Variants in RPH3A observed in about 807,000 individuals in gnomAD.
RPH3A encodes rabphilin 3A.
A neutral mutation model predicts 102.2 loss-of-function variants in RPH3A; 48 were observed. The observed-to-expected ratio is 0.47, with a 90% CI of 0.37 to 0.60. The LOEUF is 0.60. Ranked by LOEUF, RPH3A falls within the 20% of genes least tolerant of loss-of-function variation. RPH3A has a pLI of 0.00. For missense variants in RPH3A, 781 were observed against 910.1 expected (o/e 0.86, Z 1.83); for synonymous variants, 310 against 324.3 (o/e 0.96, Z 0.47).
intron 1 of RPH3A, among the ~76,000 whole-genome samples, chr12:112,670,408 C>A (rs2040119232): frequency 6.6e-6 from 1 of 152,136 alleles, no homozygotes; most frequent in African/African-American, 2.4e-5. Flanking sequence ...GTCTCGAACT[C>A]CTGACCTCAG....
At chr12:112,863,413 G>C (rs892973941) in intron 5 of RPH3A, among the ~76,000 whole-genome samples, 2 of 152,154 alleles carry the variant, frequency 1.3e-5, no homozygotes, top group Non-Finnish European at 2.9e-5. Flanking sequence ...CGCCTCCTGG[G>C]TCCAAGCGGT....
At chr12:112,750,845 G>C (rs2040781435) in intron 1 of RPH3A, among the ~76,000 whole-genome samples, 1 of 152,266 alleles carries the variant, frequency 6.6e-6, no homozygotes, top group South Asian at 2.1e-4. Context: ...AGGAGCTAGG[G>C]GTTCTGAGAA....
chr12:112,804,652 C>T (rs975055373), intron 2 of RPH3A, among the ~76,000 whole-genome samples: 1 of 152,204 alleles, frequency 6.6e-6, no homozygotes, highest in Admixed American at 6.5e-5. Context: ...CTCCACTTCG[C>T]CCCTTCCTAG....
intron 21 of RPH3A, among the ~76,000 whole-genome samples, 170 bp from the exon 22 acceptor site, chr12:112,896,480 G>A (rs554808648): frequency 2.6e-5 from 4 of 152,272 alleles, no homozygotes; most frequent in Middle Eastern, 6.8e-3. Flanking sequence ...GAGAAGGACC[G>A]TAATAATAAT....
At position 112,678,318 on chromosome 12, in the gene RPH3A, A is replaced by AGAGAGAGAGAGAGAGAGAGAG. The variant is rs1566255385; in HGVS notation, c.-140+102999_-140+103000insGAGAGAGAGAGAGAGAGAGAG. ...GAAAGAAAGAAAGAGAGAGAGAGAGAAAGAAAGAAAGAAGGAAGGAAGGAA... is the reference window on the plus strand; with the variant it reads ...GAAAGAAAGAAAGAGAGAGAGAGAGAGAGAGAGAGAGAGAGAGAGAGAAGAAAGAAAGAAGGAAGGAAGGAA... On this transcript the variant is annotated intron_variant, in intron 1 of 21. Coordinates refer to the RPH3A transcript ENST00000543106. 1.2e-4 allele frequency among the ~76,000 whole-genome samples: 15 copies of AGAGAGAGAGAGAGAGAGAGAG among 122,548 alleles called. 1 individual carries two copies. The highest frequency in any genetic ancestry group is 1.6e-4 in the Admixed American group (2 of 12,832). The allele number at this position is 122,548 out of a possible 152,430, so 80.4% of individuals were successfully genotyped here. A position where few individuals can be genotyped will look rare whatever the true frequency, so the allele number is the denominator to read the frequency against.
In RPH3A at chr12:112,875,111, C is replaced by A. The variant is rs1363778255; in HGVS notation, c.824C>A (p.Ala275Asp). 4 of 1,609,972 alleles carry A rather than the reference C, an allele frequency of 2.5e-6. No homozygotes were observed. Among genetic ancestry groups the A allele is most frequent in the Non-Finnish European group, 3.4e-6 (4 of 1,178,700 alleles). Residue 275 changes from alanine (A) to aspartate (D), a missense_variant, in exon 11 of 22, where the codon GCC (alanine) becomes GAC (aspartate). Coordinates refer to ENST00000389385, the MANE Select transcript of RPH3A (RefSeq NM_001143854.2). ...AGLRRANSVQ[A>D]SRPAPGSVQS... is the part of the protein sequence containing the mutation. ...TTGAGACGGGCCAACTCAGTCCAGGCCTCCAGACCTGCCCCAGGCTCGGTG... is the reference window on the plus strand; with the variant it reads ...TTGAGACGGGCCAACTCAGTCCAGGACTCCAGACCTGCCCCAGGCTCGGTG...
At position 112,613,024 on chromosome 12, in the gene RPH3A, T is replaced by C. The variant is rs564259120; in HGVS notation, c.-140+37705T>C. 7.2e-5 allele frequency among the ~76,000 whole-genome samples: 11 copies of C among 152,244 alleles called. No individual in the cohort carries two copies. The South Asian group carries it at 2.3e-3, about 32-fold the overall frequency. On this transcript the variant is annotated intron_variant, in intron 1 of 21. Transcript: ENST00000543106. ...TAATGATGATGATGATGATAATTCC[T>C]GTCTAATGAGCTCTAGTTCTACACT...
At chr12:112,683,368 T>G (rs759102041) in intron 1 of RPH3A, among the ~76,000 whole-genome samples, 2 of 152,132 alleles carry the variant, frequency 1.3e-5, no homozygotes, top group Non-Finnish European at 2.9e-5. Context: ...ATACACTGAG[T>G]GAGTGAGTCA....
intron 2 of RPH3A, among the ~76,000 whole-genome samples, chr12:112,809,049 C>T (rs575494564): frequency 6.6e-6 from 1 of 152,246 alleles, no homozygotes; most frequent in South Asian, 2.1e-4. Flanking sequence ...GTGATCCTAG[C>T]GCAGAACTAG....
chr12:112,759,093 G>A (rs954045349), intron 1 of RPH3A, among the ~76,000 whole-genome samples: 2 of 152,148 alleles, frequency 1.3e-5, no homozygotes, highest in African/African-American at 4.8e-5. Flanking sequence ...GTTTTCAATT[G>A]AACACATGTG....
chr12:112,803,543 A>T (rs906482763), intron 2 of RPH3A, among the ~76,000 whole-genome samples: 2 of 151,592 alleles, frequency 1.3e-5, no homozygotes, highest in African/African-American at 4.8e-5. Context: ...CAGGCTACAG[A>T]AGATAAGGAG....
At chr12:112,681,092 A>G (rs904564050) in intron 1 of RPH3A, among the ~76,000 whole-genome samples, 1 of 152,086 alleles carries the variant, frequency 6.6e-6, no homozygotes, top group Non-Finnish European at 1.5e-5. Flanking sequence ...TGCGTCCCTA[A>G]CTGAGCATCT....
chr12:112,870,448 C>T (rs1417627991), intron 10 of RPH3A, among the ~76,000 whole-genome samples: 1 of 152,106 alleles, frequency 6.6e-6, no homozygotes, highest in Non-Finnish European at 1.5e-5. Flanking sequence ...CATAGGTCAG[C>T]ATGGCCAGGA....
intron 1 of RPH3A, among the ~76,000 whole-genome samples, chr12:112,785,217 C>T (rs189531764): frequency 1.0e-3 from 125 of 122,096 alleles, no homozygotes; most frequent in African/African-American, 3.6e-3. Context: ...AGCGAAACTC[C>T]CATCTCAAAA....
At chr12:112,657,726 T>C (rs929859584) in intron 1 of RPH3A, among the ~76,000 whole-genome samples, 1 of 152,000 alleles carries the variant, frequency 6.6e-6, no homozygotes, top group Non-Finnish European at 1.5e-5. Context: ...AAAAACAAAA[T>C]GAATAAATAA....
intron 1 of RPH3A, among the ~76,000 whole-genome samples, chr12:112,758,204 A>G (rs2040833801): frequency 6.6e-6 from 1 of 152,190 alleles, no homozygotes; most frequent in South Asian, 2.1e-4. Flanking sequence ...CTGCCTCTAA[A>G]TGGGTGGTTC....
intron 1 of RPH3A, among the ~76,000 whole-genome samples, chr12:112,740,952 A>G (rs1432480036): frequency 6.6e-6 from 1 of 152,136 alleles, no homozygotes; most frequent in African/African-American, 2.4e-5. Context: ...CTTCTTGGAT[A>G]TACCTGGGAA....
intron 1 of RPH3A, among the ~76,000 whole-genome samples, chr12:112,685,109 T>A (rs2040254181): frequency 6.6e-6 from 1 of 152,114 alleles, no homozygotes; most frequent in Non-Finnish European, 1.5e-5. Context: ...GTTAATTCTT[T>A]AATTTTTTGT....
chr12:112,802,962 G>T (rs2041383478), intron 2 of RPH3A, among the ~76,000 whole-genome samples: 1 of 152,202 alleles, frequency 6.6e-6, no homozygotes, highest in Non-Finnish European at 1.5e-5. Context: ...GAGGGTAAAA[G>T]CTCCAGCGGC....
Sources: allele counts gnomAD v4.1 joint callset (sites outside exome capture counted in the v4.1 genomes callset), GRCh38; gene constraint gnomAD v4.1.1; transcripts MANE v1.5; gene names NCBI Gene and HGNC (gene_info 2026-07-23, HGNC 2026-07-21).